The following TNFRSF10B variants were observed in gnomAD, a reference collection of about 807,000 sequenced individuals.
TNFRSF10B encodes tumor necrosis factor receptor superfamily member 10B.
Under a neutral mutation model 41.4 loss-of-function variants are expected in TNFRSF10B, and 35 were observed. The observed-to-expected ratio is 0.85, with a 90% CI of 0.65 to 1.12. TNFRSF10B has a LOEUF of 1.12. Ranked by LOEUF, TNFRSF10B falls within the 50% of genes most tolerant of loss-of-function variation. The probability of loss-of-function intolerance (pLI) is 0.00; values close to 1 mark genes in which losing one functional copy is unlikely to be tolerated. For missense variants in TNFRSF10B, 584 were observed against 552.7 expected (o/e 1.06, Z -0.57); for synonymous variants, 230 against 215.5 (o/e 1.07, Z -0.59).
intron 1 of TNFRSF10B, among the ~76,000 whole-genome samples, chr8:23,044,986 C>T (rs993686393): frequency 2.8e-4 from 40 of 143,266 alleles, no homozygotes; most frequent in Non-Finnish European, 5.1e-4. Flanking sequence ...GAGGCCGAGA[C>T]GGATGGATCA....
At chr8:23,034,415 T>TA (rs956312827) in intron 2 of TNFRSF10B, among the ~76,000 whole-genome samples, 84 of 152,030 alleles carry the variant, frequency 5.5e-4, no homozygotes, top group African/African-American at 1.9e-3. Flanking sequence ...TGCATTTACT[T>TA]AAAAAAAATA....
chr8:23,061,303 C>A (rs1047294821), intron 1 of TNFRSF10B, among the ~76,000 whole-genome samples: 2 of 152,164 alleles, frequency 1.3e-5, no homozygotes, highest in South Asian at 4.1e-4. Context: ...CTGTACTATA[C>A]CTGCTGTAAG....
In TNFRSF10B at chr8:23,068,685, C is replaced by T. The variant is rs527548345; in HGVS notation, c.144+66G>A. The T allele has an allele frequency of 2.0e-5, 31 of 1,534,254 alleles. No homozygotes were observed. The South Asian group carries it at 3.7e-4, about 18-fold the overall frequency. ...CCACGCACCCCCGCCGTGTCCCCCT[C>T]TCTCCCTGCCCTCTCCAGGCGCCAG... On this transcript the variant is annotated intron_variant, in intron 1 of 8. Coordinates refer to ENST00000276431, the MANE Select transcript of TNFRSF10B (RefSeq NM_003842.5).
chr8:23,058,620 G>C (rs367950737), intron 1 of TNFRSF10B, among the ~76,000 whole-genome samples: 1 of 151,948 alleles, frequency 6.6e-6, no homozygotes, highest in African/African-American at 2.4e-5. Context: ...CGAGTAGCTG[G>C]GACTACAGGC....
At chr8:23,023,224 G>A (rs773416027) in intron 8 of TNFRSF10B, among the ~76,000 whole-genome samples, 31 of 152,172 alleles carry the variant, frequency 2.0e-4, no homozygotes, top group Admixed American at 3.9e-4. Flanking sequence ...CTCATACAGG[G>A]CTGAGAACCC....
intron 1 of TNFRSF10B, among the ~76,000 whole-genome samples, chr8:23,049,620 C>T (rs2128817802): frequency 6.6e-6 from 1 of 152,330 alleles, no homozygotes; most frequent in South Asian, 2.1e-4. Flanking sequence ...TACATGTAGG[C>T]ATATAGCTTA....
Position 23,064,448 on chromosome 8 carries a change from C to T in TNFRSF10B, c.144+4303G>A, listed in dbSNP as rs146969875. ...GCCTCTCTGATTGAGGGAGAATGGG[C>T]GTGTGGCCAGAGATGCACAGCTGTG... On this transcript the variant is annotated intron_variant, in intron 1 of 8. Coordinates refer to ENST00000276431, the MANE Select transcript of TNFRSF10B (RefSeq NM_003842.5). Among the ~76,000 whole-genome samples, 519 of 152,260 alleles carry T rather than the reference C, an allele frequency of 3.4e-3. 3 individuals are homozygous for T. The highest frequency in any genetic ancestry group is 6.3e-3 in the Non-Finnish European group (427 of 68,028).
chr8:23,065,017 G>A (rs1812942100), intron 1 of TNFRSF10B, among the ~76,000 whole-genome samples: 1 of 152,218 alleles, frequency 6.6e-6, no homozygotes, highest in Non-Finnish European at 1.5e-5. Flanking sequence ...TCTGGAGCCA[G>A]CACAGCCACT....
intron 1 of TNFRSF10B, among the ~76,000 whole-genome samples, chr8:23,050,145 G>A (rs1225200438): frequency 6.6e-6 from 1 of 152,244 alleles, no homozygotes; most frequent in East Asian, 1.9e-4. Context: ...GGCTGGTTAA[G>A]CCATTTATCC....
chr8:23,022,866 C>G lies in TNFRSF10B; in HGVS notation c.1128G>C (p.Ala376=). The change falls in exon 9 of 9, where the codon GCG becomes GCC. Residue 376 remains alanine (A), a synonymous_variant. Transcript: ENST00000276431. ...NEIKVAKAEA[A]GHRDTLYTML... ...TCGTGTACAAGGTGTCCCTGTGGCC[C>G]GCTGCCTCAGCTTTAGCCACCTTTA... 1.2e-6 allele frequency: 2 copies of G among 1,614,082 alleles called. No individual in the cohort carries two copies. The highest frequency in any genetic ancestry group is 1.6e-4 in the Middle Eastern group (1 of 6,062).
chr8:23,029,392 G>A (rs527631886), intron 4 of TNFRSF10B, among the ~76,000 whole-genome samples: 5 of 152,256 alleles, frequency 3.3e-5, no homozygotes, highest in African/African-American at 4.8e-5. Context: ...TGTGGTCAGT[G>A]AACAAGTCAG....
At chr8:23,052,462 C>G (rs1812551270) in intron 1 of TNFRSF10B, among the ~76,000 whole-genome samples, 1 of 151,378 alleles carries the variant, frequency 6.6e-6, no homozygotes, top group South Asian at 2.1e-4. Context: ...ATTTTTTGTA[C>G]TTTTTAGTAG....
At chr8:23,029,579 A>C in intron 4 of TNFRSF10B, 31 bp downstream of exon 4, 1 of 1,584,328 alleles carries the variant, frequency 6.3e-7, no homozygotes. Context: ...GGTTCCATGG[A>C]GCTACTGGGA....
intron 1 of TNFRSF10B, among the ~76,000 whole-genome samples, chr8:23,051,546 TC>T (rs927177288): frequency 7.5e-6 from 1 of 133,490 alleles, no homozygotes; most frequent in Non-Finnish European, 1.6e-5. Context: ...AGTAAAATAC[TC>T]TTTTTTTTTT....
chr8:23,024,601 A>G (rs904167992), intron 7 of TNFRSF10B, among the ~76,000 whole-genome samples: 3 of 151,628 alleles, frequency 2.0e-5, no homozygotes, highest in African/African-American at 4.8e-5. Context: ...GCTCACTGCA[A>G]CCTCCACCTC....
chr8:23,039,991 G>C (rs181689487), intron 2 of TNFRSF10B, among the ~76,000 whole-genome samples: 2 of 152,084 alleles, frequency 1.3e-5, no homozygotes, highest in East Asian at 3.9e-4. Context: ...TCAGGAGTTT[G>C]AGACAGCCTG....
chr8:23,051,867 TG>T (rs1812529492), intron 1 of TNFRSF10B, among the ~76,000 whole-genome samples: 1 of 152,176 alleles, frequency 6.6e-6, no homozygotes, highest in Non-Finnish European at 1.5e-5. Flanking sequence ...TCTAATCTTC[TG>T]GCCTTAAGCA....
intron 1 of TNFRSF10B, among the ~76,000 whole-genome samples, chr8:23,046,477 A>G (rs1812363341): frequency 6.6e-6 from 1 of 152,172 alleles, no homozygotes; most frequent in Non-Finnish European, 1.5e-5. Context: ...ATAAATGTTC[A>G]TGACTTGGAA....
intron 4 of TNFRSF10B, 114 bp from the exon 5 acceptor site, chr8:23,028,716 A>C: frequency 7.4e-7 from 1 of 1,357,472 alleles, no homozygotes; most frequent in Middle Eastern, 2.5e-4. Flanking sequence ...CAGGGGAAGG[A>C]CAGTCTCCTC....
Sources: allele counts gnomAD v4.1 joint callset (sites outside exome capture counted in the v4.1 genomes callset), GRCh38; gene constraint gnomAD v4.1.1; transcripts MANE v1.5; gene names NCBI Gene and HGNC (gene_info 2026-07-23, HGNC 2026-07-21).